The following CEP112 variants were observed in gnomAD, a reference collection of about 807,000 sequenced individuals.
CEP112 encodes centrosomal protein 112.
In CEP112, 127 loss-of-function variants were observed where a neutral mutation model predicts 153.0. The observed-to-expected ratio is 0.83, with a 90% CI of 0.72 to 0.96. The LOEUF is 0.96. CEP112 is among the 40% of genes least tolerant of loss of function. The probability of loss-of-function intolerance (pLI) is 0.00; values close to 1 mark genes in which losing one functional copy is unlikely to be tolerated. For synonymous variants in CEP112, 358 were observed against 374.4 expected (o/e 0.96, Z 0.51); for missense variants, 1,089 against 1,101.2 (o/e 0.99, Z 0.16).
intron 19 of CEP112, among the ~76,000 whole-genome samples, chr17:65,916,095 T>C (rs1040427376): frequency 3.9e-5 from 6 of 152,104 alleles, no homozygotes; most frequent in Non-Finnish European, 7.4e-5. Context: ...TTCAGTAGAG[T>C]CCTTCACTAA....
intron 19 of CEP112, among the ~76,000 whole-genome samples, chr17:65,903,512 T>G (rs1430152945): frequency 6.6e-6 from 1 of 152,206 alleles, no homozygotes; most frequent in Non-Finnish European, 1.5e-5. Context: ...AACATAGGTT[T>G]CAAAATGTTT....
intron 19 of CEP112, among the ~76,000 whole-genome samples, chr17:65,912,184 C>G (rs2060314593): frequency 6.6e-6 from 1 of 152,158 alleles, no homozygotes; most frequent in African/African-American, 2.4e-5. Context: ...TTCCCACTGG[C>G]TCTCTATCTT....
intron 8 of CEP112, among the ~76,000 whole-genome samples, chr17:66,085,235 A>G (rs1278100893): frequency 1.3e-5 from 2 of 152,214 alleles, no homozygotes; most frequent in Admixed American, 1.3e-4. Flanking sequence ...AATACAAATC[A>G]AAGGTTTTTA....
intron 19 of CEP112, among the ~76,000 whole-genome samples, chr17:65,905,024 A>C (rs2143646871): frequency 6.6e-6 from 1 of 152,270 alleles, no homozygotes; most frequent in East Asian, 1.9e-4. Flanking sequence ...AGGCAATACC[A>C]CTCAGGACAG....
intron 4 of CEP112, among the ~76,000 whole-genome samples, chr17:66,164,030 T>TA (rs577662179): frequency 6.6e-4 from 100 of 152,356 alleles, no homozygotes; most frequent in African/African-American, 2.2e-3. Context: ...CCATCCCAGT[T>TA]ACAAATAGTT....
Position 66,053,697 on chromosome 17 carries a change from A to G in CEP112, c.1218+39T>C, listed in dbSNP as rs753447590. On this transcript the variant is annotated intron_variant, in intron 12 of 26. Transcript: ENST00000535342. ...ACATGAGGACATGGAAATTGAGAAG[A>G]CAGGTTCTAAGATGTCAAGAACAGG... 9.5e-6 allele frequency: 15 copies of G among 1,581,166 alleles called. No homozygotes were observed. The African/African-American group carries it at 1.8e-4, about 18-fold the overall frequency.
chr17:65,727,115 C>T (rs1195234269), intron 23 of CEP112, among the ~76,000 whole-genome samples: 1 of 152,314 alleles, frequency 6.6e-6, no homozygotes, highest in African/African-American at 2.4e-5. Flanking sequence ...AAATGGGGCA[C>T]GAGCCTGCTG....
intron 23 of CEP112, among the ~76,000 whole-genome samples, chr17:65,736,012 GA>G (rs752185408): frequency 3.9e-5 from 6 of 152,102 alleles, no homozygotes; most frequent in Non-Finnish European, 7.4e-5. Context: ...TTGCGTTTTA[GA>G]AAAGTTACCT....
intron 4 of CEP112, among the ~76,000 whole-genome samples, chr17:66,169,611 A>C (rs2072160384): frequency 6.6e-6 from 1 of 152,102 alleles, no homozygotes; most frequent in African/African-American, 2.4e-5. Flanking sequence ...ATAGGTGTGG[A>C]TGTCTATTGT....
chr17:65,951,738 C>CA, intron 18 of CEP112, among the ~76,000 whole-genome samples: 1 of 96,666 alleles, frequency 1.0e-5, no homozygotes, highest in East Asian at 1.4e-3. Context: ...CTCTAATCTT[C>CA]CCCCGCCCCC....
chr17:66,088,136 G>A (rs7223931), intron 8 of CEP112, among the ~76,000 whole-genome samples: 24,600 of 151,916 alleles, frequency 0.16, 2,742 homozygotes, highest in African/African-American at 0.31. Flanking sequence ...CCACCCCAGA[G>A]CCAGACCAGC....
intron 8 of CEP112, among the ~76,000 whole-genome samples, chr17:66,090,934 G>C (rs1264728775): frequency 6.6e-6 from 1 of 152,026 alleles, no homozygotes; most frequent in South Asian, 2.1e-4. Flanking sequence ...TATAAAATGA[G>C]ATACAGGTCA....
At chr17:65,774,326 G>C (rs914672867) in intron 21 of CEP112, among the ~76,000 whole-genome samples, 1 of 152,140 alleles carries the variant, frequency 6.6e-6, no homozygotes, top group Non-Finnish European at 1.5e-5. Flanking sequence ...CTGGGAGATG[G>C]GGAAACAATA....
At position 65,995,854 on chromosome 17, in the gene CEP112, G is replaced by A. The variant is rs1281944391; in HGVS notation, c.1736+9836C>T. Among the ~76,000 whole-genome samples the A allele has an allele frequency of 5.3e-5, 8 of 152,184 alleles. No homozygotes were observed. The East Asian group carries it at 9.7e-4, about 18-fold the overall frequency. On this transcript the variant is annotated intron_variant, in intron 17 of 26. Transcript: ENST00000535342. ...TTCTCGTGCAGTGAATAAGTCTCAC[G>A]AGATCTGATGGTTTACAAGGGAAAA...
chr17:66,130,558 G>C (rs572076813), intron 5 of CEP112, among the ~76,000 whole-genome samples: 1 of 151,868 alleles, frequency 6.6e-6, no homozygotes. Flanking sequence ...GGCAGATCAC[G>C]AGGTCAGGAG....
chr17:65,815,709 G>C (rs2056227302), intron 21 of CEP112, among the ~76,000 whole-genome samples: 2 of 151,952 alleles, frequency 1.3e-5, no homozygotes, highest in African/African-American at 2.4e-5. Flanking sequence ...ACAGATCTTG[G>C]ATATATCCTG....
intron 16 of CEP112, among the ~76,000 whole-genome samples, chr17:66,011,316 G>A (rs1398828331): frequency 1.3e-5 from 2 of 152,068 alleles, no homozygotes; most frequent in Non-Finnish European, 2.9e-5. Flanking sequence ...TGTACTATTA[G>A]GTGGTTAACT....
In CEP112 at chr17:66,162,123, G is replaced by A. The variant is rs185556906; in HGVS notation, c.470+12921C>T. ...TATCCAGAATATACAAAGACAAATC[G>A]ACAGTGAAAAGACAGACAAACCATT... On this transcript the variant is annotated intron_variant, in intron 4 of 26. Transcript: ENST00000535342. Among the ~76,000 whole-genome samples the A allele has an allele frequency of 2.8e-3, 426 of 152,102 alleles. 2 individuals are homozygous for A. Among genetic ancestry groups the A allele is most frequent in the African/African-American group, 9.4e-3 (392 of 41,488 alleles).
chr17:66,189,780 A>G (rs1446985202), intron 1 of CEP112, among the ~76,000 whole-genome samples: 1 of 152,098 alleles, frequency 6.6e-6, no homozygotes, highest in Non-Finnish European at 1.5e-5. Context: ...TCTGTAATCC[A>G]AACACTTCGG....
Sources: allele counts gnomAD v4.1 joint callset (sites outside exome capture counted in the v4.1 genomes callset), GRCh38; gene constraint gnomAD v4.1.1; transcripts MANE v1.5; gene names NCBI Gene and HGNC (gene_info 2026-07-23, HGNC 2026-07-21).